USP12: variants seen among roughly 807,000 people sequenced by gnomAD.
USP12 encodes ubiquitin carboxyl-terminal hydrolase 12.
A neutral mutation model predicts 45.5 loss-of-function variants in USP12; 19 were observed. That is an observed-to-expected ratio of 0.42 (90% CI 0.29 to 0.61). The LOEUF is 0.61. USP12 is among the 20% of genes least tolerant of loss of function. The pLI is 0.22. For synonymous variants in USP12, 149 were observed against 148.8 expected (o/e 1.00, Z -0.01); for missense variants, 242 against 447.7 (o/e 0.54, Z 4.15).
rs768882564 is a variant in USP12 at position 27,069,095 on chromosome 13, C to A, written c.*188G>T. 1.4e-4 allele frequency: 89 copies of A among 615,704 alleles called. No individual in the cohort carries two copies. The highest frequency in any genetic ancestry group is 2.3e-4 in the Non-Finnish European group (80 of 348,300). 38.1% of individuals were successfully genotyped at this position (615,704 alleles called of 1,614,324 possible). ...CTGTACAGACAGCATGATACCTGAG[C>A]AAATAAATCAACTACCATGATCGGA... On this transcript the variant is annotated 3_prime_UTR_variant, in exon 9 of 9. Coordinates refer to ENST00000282344, the MANE Select transcript of USP12 (RefSeq NM_182488.4).
intron 6 of USP12, among the ~76,000 whole-genome samples, chr13:27,089,003 C>T (rs957921318): frequency 1.1e-4 from 17 of 150,108 alleles, no homozygotes; most frequent in African/African-American, 3.7e-4. Context: ...CACAGGAAAA[C>T]GAGACAAACT....
Position 27,071,160 on chromosome 13 carries a change from C to A in USP12, c.933-11G>T. On this transcript the variant is annotated splice_polypyrimidine_tract_variant and intron_variant, in intron 7 of 8. Coordinates refer to ENST00000282344, the MANE Select transcript of USP12 (RefSeq NM_182488.4). ...CCTCGATTGGGACCACTAAAACAAA[C>A]GAAGAAGAAGTTAATTCAATATATT... 2 of 1,582,560 alleles carry A rather than the reference C, an allele frequency of 1.3e-6. No homozygotes were observed. The highest frequency in any genetic ancestry group is 1.2e-5 in the South Asian group (1 of 83,626).
intron 6 of USP12, among the ~76,000 whole-genome samples, chr13:27,083,995 G>C (rs1873885387): frequency 6.6e-6 from 1 of 151,742 alleles, no homozygotes; most frequent in Admixed American, 6.6e-5. Flanking sequence ...CTCCCAAGTA[G>C]CTGAGATTAC....
At chr13:27,078,218 T>TA (rs1873582007) in intron 6 of USP12, among the ~76,000 whole-genome samples, 1 of 151,852 alleles carries the variant, frequency 6.6e-6, no homozygotes, top group Non-Finnish European at 1.5e-5. Context: ...AATAAATAAG[T>TA]AAAAAAAATT....
At chr13:27,100,347 G>A (rs554634341) in intron 3 of USP12, among the ~76,000 whole-genome samples, 1 of 151,988 alleles carries the variant, frequency 6.6e-6, no homozygotes, top group Middle Eastern at 3.4e-3. Flanking sequence ...CCCTTTCTAA[G>A]TTGCTCATTC....
chr13:27,098,682 G>A (rs952304362), intron 3 of USP12, among the ~76,000 whole-genome samples: 1 of 152,138 alleles, frequency 6.6e-6, no homozygotes, highest in Admixed American at 6.5e-5. Context: ...AGTTCTCCCA[G>A]GTATCGATGC....
At chr13:27,107,769 G>C (rs1035193574) in intron 2 of USP12, among the ~76,000 whole-genome samples, 1 of 152,064 alleles carries the variant, frequency 6.6e-6, no homozygotes, top group Non-Finnish European at 1.5e-5. Context: ...GCAGCCAAAA[G>C]ACACATGAAA....
chr13:27,126,219 T>C (rs547640392), intron 1 of USP12, among the ~76,000 whole-genome samples: 1 of 152,288 alleles, frequency 6.6e-6, no homozygotes, highest in Admixed American at 6.5e-5. Context: ...CACCTCCCAG[T>C]AGGGGCCGAC....
intron 8 of USP12, 21 bp from the exon 9 acceptor site, chr13:27,069,405 A>T: frequency 6.4e-7 from 1 of 1,556,968 alleles, no homozygotes; most frequent in Non-Finnish European, 8.9e-7. Context: ...AAATGTAAAC[A>T]TTAGTACATA....
chr13:27,105,710 T>C (rs753771084), intron 3 of USP12, 21 bp downstream of exon 3: 1 of 1,605,824 alleles, frequency 6.2e-7, no homozygotes, highest in Non-Finnish European at 8.5e-7. Flanking sequence ...ATGTCATTAA[T>C]ACAGTGGGAA....
intron 1 of USP12, among the ~76,000 whole-genome samples, chr13:27,168,287 C>T (rs762195621): frequency 3.6e-4 from 55 of 152,202 alleles, no homozygotes; most frequent in Non-Finnish European, 6.6e-4. Context: ...CTCCCAACAA[C>T]GCCTTCCTAA....
intron 6 of USP12, among the ~76,000 whole-genome samples, chr13:27,083,102 TG>T (rs1873839511): frequency 6.6e-6 from 1 of 152,228 alleles, no homozygotes; most frequent in African/African-American, 2.4e-5. Context: ...CCCAAAGTGC[TG>T]GGATTACAGG....
At chr13:27,137,473 A>G (rs1876856083) in intron 1 of USP12, among the ~76,000 whole-genome samples, 1 of 152,198 alleles carries the variant, frequency 6.6e-6, no homozygotes, top group South Asian at 2.1e-4. Flanking sequence ...TGTGCTCACC[A>G]TCAAAAATGA....
At chr13:27,084,658 A>G (rs1873929186) in intron 6 of USP12, among the ~76,000 whole-genome samples, 1 of 152,094 alleles carries the variant, frequency 6.6e-6, no homozygotes, top group African/African-American at 2.4e-5. Flanking sequence ...TCCTTTTCCC[A>G]CTATGTATTC....
At position 27,069,153 on chromosome 13, in the gene USP12, G is replaced by A. The variant is rs1248425588; in HGVS notation, c.*130C>T. On this transcript the variant is annotated 3_prime_UTR_variant, in exon 9 of 9. Transcript: ENST00000282344. The stretch of plus-strand genomic sequence containing the variant: ...GTCAATCCATCGTCTTTGCTTTATC[G>A]TGTGCAAAGTGTGCTACTGCCCCCT... 12 of 719,346 alleles carry A rather than the reference G, an allele frequency of 1.7e-5. No homozygotes were observed. The highest frequency in any genetic ancestry group is 9.7e-5 in the Admixed American group (4 of 41,174). 44.6% of individuals were successfully genotyped at this position (719,346 alleles called of 1,614,324 possible).
intron 6 of USP12, among the ~76,000 whole-genome samples, chr13:27,080,968 G>A (rs1873728538): frequency 6.6e-6 from 1 of 151,162 alleles, no homozygotes; most frequent in African/African-American, 2.4e-5. Flanking sequence ...ACTGCTGACT[G>A]ATCAGGATGG....
rs773642216 is a variant in USP12, at chr13:27,069,281, T to G, written c.*2A>C. 1 of 1,608,290 alleles carries G rather than the reference T, an allele frequency of 6.2e-7. No homozygotes were observed. Among genetic ancestry groups the G allele is most frequent in the Admixed American group, 1.7e-5 (1 of 60,016 alleles). On this transcript the variant is annotated 3_prime_UTR_variant, in exon 9 of 9. Transcript: ENST00000282344. ...AAAGTGTCTCTTCATCACGGTTCCC[T>G]CTCAGTCCCGAGACTGATAGAAAAG... is the stretch of plus-strand genomic sequence containing the variant.
At chr13:27,171,493 G>C in intron 1 of USP12, 99 bp downstream of exon 1, 4 of 85,964 alleles carry the variant, frequency 4.7e-5, no homozygotes, top group Non-Finnish European at 8.7e-5. Context: ...CCGCCCCGGC[G>C]CTAGGCCCCG....
intron 8 of USP12, among the ~76,000 whole-genome samples, chr13:27,070,856 C>T (rs1225270777): frequency 6.6e-6 from 1 of 152,028 alleles, no homozygotes; most frequent in Non-Finnish European, 1.5e-5. Context: ...CCTGGCCTCC[C>T]TTGTTTTATT....
Sources: allele counts gnomAD v4.1 joint callset (sites outside exome capture counted in the v4.1 genomes callset), GRCh38; gene constraint gnomAD v4.1.1; transcripts MANE v1.5; gene names NCBI Gene and HGNC (gene_info 2026-07-23, HGNC 2026-07-21).